The following LTA4H variants were observed in gnomAD, a reference collection of about 807,000 sequenced individuals.
LTA4H encodes leukotriene A-4 hydrolase.
Under a neutral mutation model 89.8 loss-of-function variants are expected in LTA4H, and 59 were observed. The ratio of observed to expected loss-of-function variants is 0.66; its 90% CI spans 0.53 to 0.82. The LOEUF (loss-of-function observed/expected upper bound fraction) is 0.82, where lower values mean the gene tolerates loss of function less well. LTA4H is among the 40% of genes least tolerant of loss of function. The pLI is 0.00. For synonymous variants in LTA4H, 227 were observed against 253.1 expected, an observed-to-expected ratio of 0.90 and a Z score of 0.98; for missense variants, 617 against 727.0, an observed-to-expected ratio of 0.85 and a Z score of 1.74.
upstream of LTA4H, among the ~76,000 whole-genome samples, chr12:96,036,949 G>A (rs1950653114): frequency 6.6e-6 from 1 of 152,170 alleles, no homozygotes; most frequent in African/African-American, 2.4e-5. Context: ...AGATTGCGGG[G>A]CCGGTGCCAC....
chr12:96,018,534 CA>C (rs150997083), intron 8 of LTA4H, among the ~76,000 whole-genome samples: 19,018 of 151,862 alleles, frequency 0.13, 1,571 homozygotes, highest in Non-Finnish European at 0.19. Context: ...GGCAACAGAG[CA>C]AGCCTGTGTC....
intron 18 of LTA4H, among the ~76,000 whole-genome samples, chr12:96,002,545 G>A (rs17025023): frequency 0.053 from 8,082 of 152,118 alleles, 612 homozygotes; most frequent in African/African-American, 0.17. Flanking sequence ...ATTATGTCAA[G>A]CAACCTACCC....
At chr12:96,001,877 C>T (rs1323009005) in intron 18 of LTA4H, among the ~76,000 whole-genome samples, 2 of 150,924 alleles carry the variant, frequency 1.3e-5, no homozygotes, top group African/African-American at 4.9e-5. Flanking sequence ...GAGACAGAGT[C>T]TCGCACTGTC....
exon 1 of LTA4H, chr12:96,043,332 A>G: frequency 2.6e-6 from 4 of 1,535,528 alleles, no homozygotes; most frequent in Non-Finnish European, 3.5e-6. Context: ...TGGGATATGC[A>G]TGGTCGGTAC....
At chr12:96,015,539 T>C (rs752463139) in intron 11 of LTA4H, 44 bp downstream of exon 11, 1 of 1,385,146 alleles carries the variant, frequency 7.2e-7, no homozygotes, top group East Asian at 2.3e-5. Flanking sequence ...TTTTAACACC[T>C]ATACAACTTT....
chr12:96,036,823 G>T (rs935160378), upstream of LTA4H, among the ~76,000 whole-genome samples: 1 of 152,202 alleles, frequency 6.6e-6, no homozygotes, highest in African/African-American at 2.4e-5. Flanking sequence ...TTACAGTTAC[G>T]CAGGCTGTAC....
intron 10 of LTA4H, 111 bp downstream of exon 10, chr12:96,016,933 T>G: frequency 1.3e-6 from 1 of 758,740 alleles, no homozygotes; most frequent in Non-Finnish European, 2.3e-6. Context: ...ACCTAAGAGA[T>G]GATAACAAAG....
intron 1 of LTA4H, among the ~76,000 whole-genome samples, chr12:96,029,810 A>T (rs928830041): frequency 3.9e-5 from 6 of 152,128 alleles, no homozygotes; most frequent in Non-Finnish European, 8.8e-5. Flanking sequence ...AGCCCTACAA[A>T]TCATACTCTT....
rs537774489 is a variant in LTA4H at position 96,002,465 on chromosome 12, C to A, written c.1718+495G>T. On this transcript the variant is annotated intron_variant, in intron 18 of 18. Coordinates refer to ENST00000228740, the MANE Select transcript of LTA4H (RefSeq NM_000895.3). ...AGAATTTGGACAAAATTCATAAAGA[C>A]CTTGACTGAGATATTCTTGTATCTT... Among the ~76,000 whole-genome samples the A allele has an allele frequency of 8.5e-5, 13 of 152,184 alleles. No individual in the cohort carries two copies. The East Asian group carries it at 1.9e-3, about 23-fold the overall frequency.
intron 10 of LTA4H, among the ~76,000 whole-genome samples, chr12:96,016,610 A>C: frequency 6.6e-6 from 1 of 151,320 alleles, no homozygotes; most frequent in Non-Finnish European, 1.5e-5. Flanking sequence ...CCAATTAAAA[A>C]AAAAAAATAG....
intron 6 of LTA4H, among the ~76,000 whole-genome samples, chr12:96,019,905 T>TG: frequency 6.7e-6 from 1 of 148,980 alleles, no homozygotes; most frequent in South Asian, 2.1e-4. Context: ...CAGCGTTTTT[T>TG]TTTTTTTTTT....
chr12:96,016,576 G>A (rs1950378467), intron 10 of LTA4H, among the ~76,000 whole-genome samples: 1 of 151,404 alleles, frequency 6.6e-6, no homozygotes, highest in Non-Finnish European at 1.5e-5. Flanking sequence ...ACTACAGCCT[G>A]GGCCACAGAG....
chr12:96,021,511 T>A (rs1423832427), intron 5 of LTA4H, among the ~76,000 whole-genome samples: 1 of 152,206 alleles, frequency 6.6e-6, no homozygotes. Context: ...GGTTTTGGTT[T>A]TCTTTTTTTA....
intron 9 of LTA4H, 132 bp downstream of exon 9, chr12:96,017,425 T>C: frequency 1.4e-6 from 1 of 715,914 alleles, no homozygotes; most frequent in East Asian, 2.8e-5. Context: ...ATCTAATTGT[T>C]AATAATGTGA....
At position 96,014,889 on chromosome 12, in the gene LTA4H, T is replaced by TA; in HGVS notation, c.1169dup (p.Leu390PhefsTer6). ...CAAGCAGTTGTTCAAGGTAAAAAAG[T>TA]AAAGCAAAGCCCTTCTCATAGGGAA... On this transcript the variant is annotated frameshift_variant, in exon 12 of 19. Coordinates refer to ENST00000228740, the MANE Select transcript of LTA4H (RefSeq NM_000895.3). LOFTEE classifies it high-confidence loss of function. 6.2e-7 allele frequency: 1 copy of TA among 1,613,420 alleles called. No individual in the cohort carries two copies. Among genetic ancestry groups the TA allele is most frequent in the Non-Finnish European group, 8.5e-7 (1 of 1,179,720 alleles).
intron 6 of LTA4H, 90 bp downstream of exon 6, chr12:96,020,995 G>T: frequency 1.1e-6 from 1 of 949,910 alleles, no homozygotes. Flanking sequence ...TGAGAAATAT[G>T]CAAATGATTG....
intron 13 of LTA4H, 59 bp from the exon 14 acceptor site, chr12:96,013,317 T>A (rs1320700797): frequency 2.7e-6 from 3 of 1,103,656 alleles, no homozygotes; most frequent in East Asian, 2.4e-5. Flanking sequence ...CAAAAAAAAA[T>A]TTAAACTTGT....
At chr12:96,018,658 G>A (rs1428273976) in intron 8 of LTA4H, 105 bp downstream of exon 8, 1 of 644,070 alleles carries the variant, frequency 1.6e-6, no homozygotes, top group Non-Finnish European at 2.3e-6. Flanking sequence ...TACATTATTA[G>A]GACTCTAAGG....
chr12:96,008,925 T>C (rs1592871082), intron 15 of LTA4H, among the ~76,000 whole-genome samples, 169 bp downstream of exon 15: 1 of 152,130 alleles, frequency 6.6e-6, no homozygotes, highest in Non-Finnish European at 1.5e-5. Context: ...TCTCAAACCC[T>C]TAATTTTCTA....
Sources: allele counts gnomAD v4.1 joint callset (sites outside exome capture counted in the v4.1 genomes callset), GRCh38; gene constraint gnomAD v4.1.1; transcripts MANE v1.5; gene names NCBI Gene and HGNC (gene_info 2026-07-23, HGNC 2026-07-21).